KLC1: variants seen among roughly 807,000 people sequenced by gnomAD.
KLC1 encodes kinesin 2 60/70kDa.
KLC1 carries 30 observed loss-of-function variants against 84.2 expected under a neutral mutation model. That is an observed-to-expected ratio of 0.36 (90% CI 0.27 to 0.48). KLC1 has a LOEUF of 0.48. Ranked by LOEUF, KLC1 falls within the 20% of genes least tolerant of loss-of-function variation. The probability of loss-of-function intolerance (pLI) is 0.99; values close to 1 mark genes in which losing one functional copy is unlikely to be tolerated. For missense variants in KLC1, 499 were observed against 805.4 expected, an observed-to-expected ratio of 0.62 and a Z score of 4.60; for synonymous variants, 289 against 293.3, an observed-to-expected ratio of 0.99 and a Z score of 0.15.
At position 103,694,442 on chromosome 14, in the gene KLC1, C is replaced by T. The variant is rs2151867651; in HGVS notation, c.1848+2017C>T. 2 of 985,322 alleles carry T rather than the reference C, an allele frequency of 2.0e-6. No homozygotes were observed. Among genetic ancestry groups the T allele is most frequent in the East Asian group, 1.1e-4 (1 of 8,814 alleles). The allele number at this position is 985,322 out of a possible 1,614,324, so 61.0% of individuals were successfully genotyped here. On this transcript the variant is annotated intron_variant, in intron 15 of 16. Transcript: ENST00000334553. This position sits in a 1 kb window ranked among gnomAD's most constrained non-coding sequence, Gnocchi z 4.5. ...GGTCAGGAGATCGAGACCATCCTGGCTAACATGGCGTTTCACTTTTTAAAA... is the reference window on the plus strand; with the variant it reads ...GGTCAGGAGATCGAGACCATCCTGGTTAACATGGCGTTTCACTTTTTAAAA...
At chr14:103,696,981 A>G (rs1370529138) in intron 15 of KLC1, 2 of 985,150 alleles carry the variant, frequency 2.0e-6, no homozygotes, top group East Asian at 1.1e-4. Context: ...AGGGGCAGGA[A>G]CTGAGCCAGC....
At chr14:103,695,314 T>TATA (rs72439492) in intron 15 of KLC1, 1 of 508,058 alleles carries the variant, frequency 2.0e-6, no homozygotes, top group Non-Finnish European at 2.4e-6. Flanking sequence ...AAACCATGTG[T>TATA]ATATATATAT....
At chr14:103,655,814 G>T (rs189675566) in intron 2 of KLC1, among the ~76,000 whole-genome samples, 1 of 152,224 alleles carries the variant, frequency 6.6e-6, no homozygotes, top group East Asian at 1.9e-4. Context: ...TGTTGGCCAG[G>T]CTGGTCTTGA....
intron 1 of KLC1, among the ~76,000 whole-genome samples, chr14:103,640,648 CCG>C (rs1421055639): frequency 3.3e-5 from 5 of 152,178 alleles, no homozygotes; most frequent in Admixed American, 1.3e-4. Flanking sequence ...GCGTGAGCCA[CCG>C]CGCCCGGCCC....
In KLC1 at chr14:103,677,527, A is replaced by C; in HGVS notation, c.1488+4A>C. On this transcript the variant is annotated splice_donor_region_variant and intron_variant, in intron 12 of 16. Coordinates refer to ENST00000334553, the MANE Select transcript of KLC1 (RefSeq NM_001394837.1). ...TGCTATGAGGTCTCGTAAACAGGTT[A>C]GTCATACTTCTGTCCTTAACCGGCC... The C allele has an allele frequency of 6.3e-7, 1 of 1,591,630 alleles. No individual in the cohort carries two copies. The highest frequency in any genetic ancestry group is 8.6e-7 in the Non-Finnish European group (1 of 1,159,786).
At position 103,650,069 on chromosome 14, in the gene KLC1, C is replaced by G. The variant is rs2078299624; in HGVS notation, c.-1-4495C>G. ...TACACTGGAGATTTTGCATTGAGTT[C>G]TTTTGGTCTCACGGAGTAAATAATG... On this transcript the variant is annotated intron_variant, in intron 1 of 16. Coordinates refer to ENST00000334553, the MANE Select transcript of KLC1 (RefSeq NM_001394837.1). Among the ~76,000 whole-genome samples, 4 of 151,512 alleles carry G rather than the reference C, an allele frequency of 2.6e-5. No homozygotes were observed. In the South Asian group the frequency reaches 8.3e-4, roughly 32 times the overall value.
At chr14:103,667,377 GATTA>G (rs1374686733) in intron 5 of KLC1, among the ~76,000 whole-genome samples, 1 of 152,156 alleles carries the variant, frequency 6.6e-6, no homozygotes, top group East Asian at 1.9e-4. Flanking sequence ...AGAGTGCTGG[GATTA>G]CAGGCGTGAG....
At chr14:103,647,315 C>A (rs896022083) in intron 1 of KLC1, among the ~76,000 whole-genome samples, 8 of 152,030 alleles carry the variant, frequency 5.3e-5, no homozygotes, top group African/African-American at 1.7e-4. Flanking sequence ...CCTCCACTTT[C>A]CAGGTTCAAG....
intron 1 of KLC1, among the ~76,000 whole-genome samples, chr14:103,632,283 A>G (rs1232540155): frequency 6.6e-6 from 1 of 151,988 alleles, no homozygotes; most frequent in African/African-American, 2.4e-5. Flanking sequence ...AAAATTAGCC[A>G]GGTGTGGTGG....
rs117485322 is a variant in KLC1 at position 103,693,044 on chromosome 14, C to T, written c.1848+619C>T. ...GGGTGGCCGGGTGCCTGTGGCTGCTCTAGAACCTGTTTCTCAGGTGCCTGG... is the reference window on the plus strand; with the variant it reads ...GGGTGGCCGGGTGCCTGTGGCTGCTTTAGAACCTGTTTCTCAGGTGCCTGG... On this transcript the variant is annotated intron_variant, in intron 15 of 16. Coordinates refer to ENST00000334553, the MANE Select transcript of KLC1 (RefSeq NM_001394837.1). This position sits in a 1 kb window ranked among gnomAD's most constrained non-coding sequence, Gnocchi z 5.1. Among the ~76,000 whole-genome samples the T allele has an allele frequency of 2.7e-3, 406 of 152,336 alleles. 5 individuals are homozygous for T. Among genetic ancestry groups the T allele is most frequent in the East Asian group, 0.021 (109 of 5,188 alleles).
intron 13 of KLC1, chr14:103,685,508 C>G (rs919533058): frequency 7.1e-6 from 9 of 1,275,226 alleles, no homozygotes; most frequent in Admixed American, 2.3e-5. Flanking sequence ...TCATCCCAGT[C>G]CTAAAGCCAC....
intron 14 of KLC1, among the ~76,000 whole-genome samples, chr14:103,692,157 T>G (rs538556862): frequency 1.3e-5 from 2 of 152,222 alleles, no homozygotes; most frequent in Non-Finnish European, 2.9e-5. Flanking sequence ...CTGTGAAAGA[T>G]GCAGAGAAGC....
intron 9 of KLC1, among the ~76,000 whole-genome samples, chr14:103,675,039 A>G (rs1176875928): frequency 6.6e-6 from 1 of 152,224 alleles, no homozygotes; most frequent in Non-Finnish European, 1.5e-5. Flanking sequence ...CATATAAAAA[A>G]GAAAACAGGC....
At chr14:103,657,469 A>T in intron 2 of KLC1, 77 bp from the exon 3 acceptor site, 1 of 1,132,040 alleles carries the variant, frequency 8.8e-7, no homozygotes, top group African/African-American at 1.5e-5. Flanking sequence ...AGCCCCAGCC[A>T]CAGAATGTTC....
intron 1 of KLC1, among the ~76,000 whole-genome samples, chr14:103,636,994 G>C (rs1015056177): frequency 4.1e-5 from 6 of 147,698 alleles, no homozygotes; most frequent in Non-Finnish European, 6.0e-5. Context: ...CTCCCAAAGT[G>C]CTGGTATTAA....
intron 13 of KLC1, 141 bp downstream of exon 13, chr14:103,679,686 TC>T (rs1384275070): frequency 1.6e-6 from 1 of 619,330 alleles, no homozygotes; most frequent in East Asian, 2.8e-5. Context: ...GTTCTTCACT[TC>T]TGCTAATACT....
At position 103,685,976 on chromosome 14, in the gene KLC1, A is replaced by G. The variant is rs2081750674; in HGVS notation, c.1651-1105A>G. ...TAAGTGTCACACAAGGTGTTGTTGC[A>G]ATGGCATGACGGTGACCTGTTGACG... On this transcript the variant is annotated intron_variant, in intron 13 of 16. Coordinates refer to ENST00000334553, the MANE Select transcript of KLC1 (RefSeq NM_001394837.1). 3 of 1,115,530 alleles carry G rather than the reference A, an allele frequency of 2.7e-6. 1 individual carries two copies. The South Asian group carries it at 6.5e-5, about 24-fold the overall frequency. 69.1% of individuals were successfully genotyped at this position (1,115,530 alleles called of 1,614,324 possible).
chr14:103,671,920 C>A (rs1472492257), intron 7 of KLC1, among the ~76,000 whole-genome samples: 1 of 152,142 alleles, frequency 6.6e-6, no homozygotes. Flanking sequence ...GATTAGGAAC[C>A]ATATAAGATG....
intron 5 of KLC1, among the ~76,000 whole-genome samples, chr14:103,668,506 C>A (rs2080086036): frequency 6.6e-6 from 1 of 151,814 alleles, no homozygotes. Context: ...GAGACGGAGT[C>A]TTGCTCTGTC....
Sources: allele counts gnomAD v4.1 joint callset (sites outside exome capture counted in the v4.1 genomes callset), GRCh38; gene constraint gnomAD v4.1.1; non-coding constraint Gnocchi (gnomAD v3.1); transcripts MANE v1.5; gene names NCBI Gene and HGNC (gene_info 2026-07-23, HGNC 2026-07-21).